LOXHD1: variants seen among roughly 807,000 people sequenced by gnomAD.
The protein encoded by LOXHD1 is lipoxygenase homology PLAT domains 1.
In LOXHD1, 205 loss-of-function variants were observed where a neutral mutation model predicts 248.2. That is an observed-to-expected ratio of 0.83 (90% CI 0.74 to 0.93). The LOEUF (loss-of-function observed/expected upper bound fraction) is 0.93. Ranked by LOEUF, LOXHD1 falls within the 40% of genes least tolerant of loss-of-function variation. The pLI, the probability that LOXHD1 is intolerant of heterozygous loss-of-function variation, is 0.00. For synonymous variants in LOXHD1, 1,113 were observed against 1,162.8 expected (o/e 0.96, Z 0.87); for missense variants, 2,930 against 2,971.6 (o/e 0.99, Z 0.33).
chr18:46,578,045 T>C (rs574750203), intron 13 of LOXHD1, among the ~76,000 whole-genome samples, 178 bp from the exon 14 acceptor site: 1 of 152,276 alleles, frequency 6.6e-6, no homozygotes, highest in African/African-American at 2.4e-5. Context: ...CCCAATTTCT[T>C]CCACTGGAAT....
intron 12 of LOXHD1, among the ~76,000 whole-genome samples, chr18:46,590,604 C>G (rs1489953264): frequency 6.6e-6 from 1 of 152,080 alleles, no homozygotes; most frequent in African/African-American, 2.4e-5. Context: ...TTTGCCATTA[C>G]CTTTAATATT....
chr18:46,535,438 CT>C (rs1191025912), intron 26 of LOXHD1, among the ~76,000 whole-genome samples: 1 of 151,996 alleles, frequency 6.6e-6, no homozygotes, highest in African/African-American at 2.4e-5. Flanking sequence ...AGCCCCTGAA[CT>C]GGGCGGGGGA....
At chr18:46,522,453 T>G (rs1413860281) in intron 31 of LOXHD1, 144 bp from the exon 32 acceptor site, 4 of 656,132 alleles carry the variant, frequency 6.1e-6, no homozygotes, top group Non-Finnish European at 1.0e-5. Context: ...CCCTTCAGAC[T>G]GGTAAGTTAT....
At chr18:46,617,158 T>C (rs1348328958) in intron 5 of LOXHD1, among the ~76,000 whole-genome samples, 6 of 152,220 alleles carry the variant, frequency 3.9e-5, no homozygotes, top group Non-Finnish European at 8.8e-5. Flanking sequence ...ATCACACTTG[T>C]AGTGTTAAAT....
Position 46,477,348 on chromosome 18 carries a change from T to C in LOXHD1, c.*124A>G, listed in dbSNP as rs144543819. 4.1e-4 allele frequency: 553 copies of C among 1,349,648 alleles called. 2 individuals carry two copies. The African/African-American group carries it at 6.9e-3, about 17-fold the overall frequency. 83.6% of individuals were successfully genotyped at this position (1,349,648 alleles called of 1,614,324 possible). A position where few individuals can be genotyped will look rare whatever the true frequency, so the allele number is the denominator to read the frequency against. ...GGGTGGGGAGCAGGACCCCATGAAG[T>C]TCTCAGTGGACTGCTAGCCCCCAGT... On this transcript the variant is annotated 3_prime_UTR_variant, in exon 41 of 41. Coordinates refer to ENST00000642948, the MANE Select transcript of LOXHD1 (RefSeq NM_001384474.1).
chr18:46,594,190 GGGA>G (rs2038221684), intron 9 of LOXHD1, 138 bp downstream of exon 9: 2 of 1,094,834 alleles, frequency 1.8e-6, no homozygotes, highest in African/African-American at 3.1e-5. Context: ...GCGGGGTTGG[GGGA>G]GCTTTTTCCT....
At chr18:46,604,327 G>C (rs1368753188) in intron 6 of LOXHD1, 98 bp from the exon 7 acceptor site, 1 of 1,458,748 alleles carries the variant, frequency 6.9e-7, no homozygotes, top group Non-Finnish European at 9.3e-7. Flanking sequence ...TCTACTTTAA[G>C]AATGTACTGA....
intron 33 of LOXHD1, among the ~76,000 whole-genome samples, chr18:46,520,095 C>CTGT (rs1232820924): frequency 6.6e-6 from 1 of 152,126 alleles, no homozygotes; most frequent in Non-Finnish European, 1.5e-5. Context: ...CCACACCATC[C>CTGT]GTCTGGCCAC....
In LOXHD1 at chr18:46,639,726, G is replaced by T. The variant is rs1265657499; in HGVS notation, c.401C>A (p.Pro134His). The T allele has an allele frequency of 6.4e-7, 1 of 1,551,588 alleles. No individual in the cohort carries two copies. Among genetic ancestry groups the T allele is most frequent in the Non-Finnish European group, 8.7e-7 (1 of 1,147,010 alleles). ...DHVIVTDMKR[P>H]HLRYYFNCNN... ...GCAGTTGAAGTAGTAACGGAGATGA[G>T]GCCTCTTCATGTCGGTCACAATCAC... The change falls in exon 4 of 41, where the codon CCT (proline) becomes CAT (histidine). Residue 134 changes from proline (P) to histidine (H), a missense_variant. By Grantham distance (77) the Pro-to-His change is moderately conservative (BLOSUM62 -2). Coordinates refer to ENST00000642948, the MANE Select transcript of LOXHD1 (RefSeq NM_001384474.1).
Position 46,560,255 on chromosome 18 carries a change from GGACTCCTCTGATGAGGAC to G in LOXHD1, c.2871_2888del (p.Ser960_Ser965del). 1.3e-6 allele frequency: 2 copies of G among 1,551,824 alleles called. No homozygotes were observed. Among genetic ancestry groups the G allele is most frequent in the Non-Finnish European group, 1.7e-6 (2 of 1,147,002 alleles). ...CTTCCATCTCCTCCTCCTCTGACGA[GGACTCCTCTGATGAGGAC>G]GACTCCTCTTCCTCCCCCTCGTCCT... On this transcript the variant is annotated inframe_deletion, in exon 19 of 41. Coordinates refer to ENST00000642948, the MANE Select transcript of LOXHD1 (RefSeq NM_001384474.1).
At position 46,604,998 on chromosome 18, in the gene LOXHD1, C is replaced by CA. The variant is rs879384374; in HGVS notation, c.760-770dup. On this transcript the variant is annotated intron_variant, in intron 6 of 40. Coordinates refer to ENST00000642948, the MANE Select transcript of LOXHD1 (RefSeq NM_001384474.1). ...TCATGTTATATACCTTAAATATACACAAAAAAATTTATTTTAAAAATTCGA... is the reference window on the plus strand; with the variant it reads ...TCATGTTATATACCTTAAATATACACAAAAAAAATTTATTTTAAAAATTCGA... Among the ~76,000 whole-genome samples, 12 of 152,084 alleles carry CA rather than the reference C, an allele frequency of 7.9e-5. No individual in the cohort carries two copies. In the South Asian group the frequency reaches 8.3e-4, roughly 11 times the overall value.
chr18:46,580,487 G>A (rs2037941618), intron 12 of LOXHD1, among the ~76,000 whole-genome samples: 1 of 152,190 alleles, frequency 6.6e-6, no homozygotes, highest in Non-Finnish European at 1.5e-5. Context: ...CTGCATCCCT[G>A]CATGCCCAGC....
At chr18:46,650,406 T>C (rs1181908241) in intron 1 of LOXHD1, among the ~76,000 whole-genome samples, 1 of 152,202 alleles carries the variant, frequency 6.6e-6, no homozygotes, top group East Asian at 1.9e-4. Flanking sequence ...CATCACTGGA[T>C]TGTATTAATA....
intron 21 of LOXHD1, 85 bp downstream of exon 21, chr18:46,557,271 C>CCA: frequency 6.6e-7 from 1 of 1,517,948 alleles, no homozygotes; most frequent in Non-Finnish European, 9.0e-7. Context: ...CGGCCCACCC[C>CCA]CAGTCTTCTT....
intron 1 of LOXHD1, among the ~76,000 whole-genome samples, chr18:46,656,069 C>T (rs545673219): frequency 1.3e-5 from 2 of 152,210 alleles, no homozygotes; most frequent in East Asian, 1.9e-4. Flanking sequence ...ATGGCGCTTA[C>T]GGGGACTGGT....
chr18:46,655,859 T>C (rs1007527726), intron 1 of LOXHD1, among the ~76,000 whole-genome samples: 7 of 152,162 alleles, frequency 4.6e-5, no homozygotes. Context: ...GGAACAATTA[T>C]GAATTGGATG....
intron 26 of LOXHD1, among the ~76,000 whole-genome samples, 189 bp downstream of exon 26, chr18:46,537,967 G>A (rs747840101): frequency 4.6e-5 from 7 of 152,198 alleles, no homozygotes; most frequent in Non-Finnish European, 1.0e-4. Context: ...GGAGGAGCAG[G>A]GTGAGCTTCA....
chr18:46,571,999 G>T, intron 15 of LOXHD1, 87 bp downstream of exon 15: 1 of 1,142,664 alleles, frequency 8.8e-7, no homozygotes, highest in Non-Finnish European at 1.3e-6. Flanking sequence ...AACATGAAGT[G>T]CTCGTGTTTT....
chr18:46,546,984 A>T lies in LOXHD1; in HGVS notation c.3425T>A (p.Val1142Glu). ...CTGTGGCAGCACATAGGACTCATCC[A>T]CTGGCAACAGCTCCCTGGACAGCTG... ...DGQLSRELLP[V>E]DESYVLPQSE... The change falls in exon 22 of 41, where the codon GTG (valine) becomes GAG (glutamate). Residue 1142 changes from valine to glutamate, a missense_variant. Physicochemically the swap from Val to Glu is moderately radical, Grantham distance 121. Coordinates refer to ENST00000642948, the MANE Select transcript of LOXHD1 (RefSeq NM_001384474.1). 6.4e-7 allele frequency: 1 copy of T among 1,551,744 alleles called. No individual in the cohort carries two copies. Among genetic ancestry groups the T allele is most frequent in the Non-Finnish European group, 8.7e-7 (1 of 1,147,006 alleles).
Sources: allele counts gnomAD v4.1 joint callset (sites outside exome capture counted in the v4.1 genomes callset), GRCh38; gene constraint gnomAD v4.1.1; transcripts MANE v1.5; gene names NCBI Gene and HGNC (gene_info 2026-07-23, HGNC 2026-07-21).